Variants in RUVBL1 observed in about 807,000 individuals in gnomAD.
The protein encoded by RUVBL1 is RuvB like AAA ATPase 1.
Under a neutral mutation model 52.4 loss-of-function variants are expected in RUVBL1, and 4 were observed. The observed-to-expected ratio is 0.08, with a 90% CI of 0.04 to 0.17. The LOEUF (loss-of-function observed/expected upper bound fraction) is 0.17. Ranked by LOEUF, RUVBL1 falls within the 10% of genes least tolerant of loss-of-function variation. The pLI, the probability that RUVBL1 is intolerant of heterozygous loss-of-function variation, is 1.00. For synonymous variants in RUVBL1, 217 were observed against 214.4 expected, an observed-to-expected ratio of 1.01 and a Z score of -0.10; for missense variants, 298 against 572.8, an observed-to-expected ratio of 0.52 and a Z score of 4.90.
At position 128,100,721 on chromosome 3, in the gene RUVBL1, A is replaced by G. The variant is rs1473130073; in HGVS notation, c.627T>C (p.Tyr209=). The change falls in exon 6 of 11, where the codon TAT becomes TAC. Residue 209 remains tyrosine (Y), a synonymous_variant. Coordinates refer to ENST00000322623, the MANE Select transcript of RUVBL1 (RefSeq NM_003707.3). Reference sequence around the variant, plus strand: ...CAGCTTCAAGGTCGAATTCTGTGGCATAGGTATCACACCTGCCCTGCCTCT... The same window carrying G: ...CAGCTTCAAGGTCGAATTCTGTGGCGTAGGTATCACACCTGCCCTGCCTCT... ...AVKRQGRCDT[Y]ATEFDLEAEE... The G allele has an allele frequency of 1.2e-6, 2 of 1,613,644 alleles. No homozygotes were observed. The highest frequency in any genetic ancestry group is 1.3e-5 in the African/African-American group (1 of 74,886).
chr3:128,144,529 G>A (rs1276457604), intron 1 of RUVBL1, among the ~76,000 whole-genome samples: 1 of 152,310 alleles, frequency 6.6e-6, no homozygotes, highest in Middle Eastern at 3.4e-3. Context: ...GGGGGCCCAC[G>A]GAGTCTGTTG....
upstream of RUVBL1, among the ~76,000 whole-genome samples, chr3:128,128,007 A>AATAAATACATAC (rs71615967): frequency 6.7e-6 from 1 of 148,886 alleles, no homozygotes; most frequent in African/African-American, 2.5e-5. Context: ...AAAAATAATA[A>AATAAATACATAC]ATACATACAT....
At chr3:128,111,503 C>A (rs992679979) in intron 3 of RUVBL1, among the ~76,000 whole-genome samples, 2 of 152,162 alleles carry the variant, frequency 1.3e-5, no homozygotes, top group Non-Finnish European at 2.9e-5. Flanking sequence ...GTCAGCGCTA[C>A]CATGCAAACA....
intron 2 of RUVBL1, among the ~76,000 whole-genome samples, chr3:128,115,963 G>A (rs140492943): frequency 6.6e-6 from 1 of 151,366 alleles, no homozygotes; most frequent in African/African-American, 2.4e-5. Context: ...CCATCTCTAC[G>A]AAAACTACAA....
At chr3:128,080,550 C>T (rs905456395), downstream of RUVBL1, among the ~76,000 whole-genome samples, 10 of 152,162 alleles carry the variant, frequency 6.6e-5, no homozygotes, top group African/African-American at 2.4e-4. Context: ...TGATCAGAAC[C>T]ACATTTCACC....
upstream of RUVBL1, among the ~76,000 whole-genome samples, chr3:128,125,703 G>A (rs1014108935): frequency 2.0e-5 from 3 of 152,262 alleles, no homozygotes; most frequent in African/African-American, 7.2e-5. Flanking sequence ...TAAAAGAACA[G>A]AGGCCAGGCC....
chr3:128,136,035 G>A (rs1943942723), intron 1 of RUVBL1, among the ~76,000 whole-genome samples: 1 of 152,054 alleles, frequency 6.6e-6, no homozygotes, highest in African/African-American at 2.4e-5. Flanking sequence ...GTGTTAAGTT[G>A]TCATTAGTTG....
intron 3 of RUVBL1, among the ~76,000 whole-genome samples, chr3:128,105,383 G>A (rs935160029): frequency 1.1e-4 from 17 of 151,924 alleles, no homozygotes; most frequent in Non-Finnish European, 2.1e-4. Flanking sequence ...GCCTCCCAAA[G>A]TGCTGGGTTA....
At chr3:128,104,616 C>A (rs115230152) in intron 4 of RUVBL1, among the ~76,000 whole-genome samples, 157 bp downstream of exon 4, 4 of 152,250 alleles carry the variant, frequency 2.6e-5, no homozygotes, top group African/African-American at 9.6e-5. Context: ...TGCTAGGTAC[C>A]GCTTTATACA....
chr3:128,081,179 C>G lies in RUVBL1; in HGVS notation c.*71G>C. The G allele has an allele frequency of 6.5e-7, 1 of 1,535,094 alleles. No homozygotes were observed. The highest frequency in any genetic ancestry group is 8.9e-7 in the Non-Finnish European group (1 of 1,125,990). On this transcript the variant is annotated 3_prime_UTR_variant, in exon 11 of 11. Coordinates refer to ENST00000322623, the MANE Select transcript of RUVBL1 (RefSeq NM_003707.3). This position sits in a 1 kb window ranked among gnomAD's most constrained non-coding sequence, Gnocchi z 4.8. Reference sequence around the variant, plus strand: ...GGGACGGCAGCCCCAAGCCCAGGGGCAAGCGCCCACAGGCTGGACCCAGGC... The same window carrying G: ...GGGACGGCAGCCCCAAGCCCAGGGGGAAGCGCCCACAGGCTGGACCCAGGC...
At chr3:128,143,121 C>A (rs948694779) in intron 1 of RUVBL1, among the ~76,000 whole-genome samples, 2 of 151,590 alleles carry the variant, frequency 1.3e-5, no homozygotes, top group African/African-American at 4.9e-5. Flanking sequence ...ATGATTACAC[C>A]AGGCCCACCC....
At chr3:128,119,111 A>T (rs745791679) in intron 2 of RUVBL1, among the ~76,000 whole-genome samples, 2 of 152,220 alleles carry the variant, frequency 1.3e-5, no homozygotes, top group Non-Finnish European at 2.9e-5. Flanking sequence ...GACCCCTTCA[A>T]GGACTTCATT....
intron 3 of RUVBL1, among the ~76,000 whole-genome samples, chr3:128,112,346 TC>T (rs1192484853): frequency 1.3e-5 from 2 of 152,138 alleles, no homozygotes; most frequent in Non-Finnish European, 2.9e-5. Flanking sequence ...ATTGATAATC[TC>T]CCCTCAGAGG....
chr3:128,104,216 G>A (rs966642131), intron 4 of RUVBL1, among the ~76,000 whole-genome samples: 2 of 152,146 alleles, frequency 1.3e-5, no homozygotes, highest in Non-Finnish European at 2.9e-5. Flanking sequence ...GTCTTTGAGC[G>A]CTATCCAGTG....
At chr3:128,069,671 C>A in intron 9 of RUVBL1, 1 of 1,613,366 alleles carries the variant, frequency 6.2e-7, no homozygotes, top group Non-Finnish European at 8.5e-7. Flanking sequence ...GAGCCCGTCT[C>A]CCGGACAGGT....
intron 7 of RUVBL1, 93 bp from the exon 8 acceptor site, chr3:128,097,591 G>T: frequency 9.0e-7 from 1 of 1,112,098 alleles, no homozygotes; most frequent in Non-Finnish European, 1.3e-6. Context: ...CCAAACCCAT[G>T]CTAGGAGCCT....
In RUVBL1 at chr3:128,113,639, A is replaced by C. The variant is rs78143412; in HGVS notation, c.229-619T>G. ...TATATTGTATTTTTAAGTATGTATTATTTTTGTTATTGTATTTTTATTTTT... is the reference window on the plus strand; with the variant it reads ...TATATTGTATTTTTAAGTATGTATTCTTTTTGTTATTGTATTTTTATTTTT... On this transcript the variant is annotated intron_variant, in intron 2 of 10. Coordinates refer to ENST00000322623, the MANE Select transcript of RUVBL1 (RefSeq NM_003707.3). Among the ~76,000 whole-genome samples, 3,468 of 152,228 alleles carry C rather than the reference A, an allele frequency of 0.023. 401 individuals are homozygous for C. The East Asian group carries it at 0.35, about 15-fold the overall frequency.
At chr3:128,103,019 C>T (rs1172458960) in intron 4 of RUVBL1, among the ~76,000 whole-genome samples, 2 of 152,266 alleles carry the variant, frequency 1.3e-5, no homozygotes, top group South Asian at 2.1e-4. Flanking sequence ...ATGGCATTCT[C>T]GTTGCTAGAA....
intron 9 of RUVBL1, chr3:128,065,321 A>C (rs2107648128): frequency 3.4e-6 from 2 of 591,062 alleles, no homozygotes; most frequent in East Asian, 5.6e-5. Context: ...TTAAGTTCTT[A>C]GTTCAAGAGA....
Sources: gnomAD v4.1 joint callset for allele counts (sites outside exome capture counted in the v4.1 genomes callset) on GRCh38, gnomAD v4.1.1 for gene constraint, Gnocchi (gnomAD v3.1) non-coding constraint, MANE v1.5 for transcripts, NCBI Gene and HGNC (gene_info 2026-07-23, HGNC 2026-07-21) for gene names.